GALK2: variants seen among roughly 807,000 people sequenced by gnomAD.
GALK2 encodes the protein galactokinase 2, also known as N-acetylgalactosamine kinase.
In GALK2, 36 loss-of-function variants were observed where a neutral mutation model predicts 52.4. The ratio of observed to expected loss-of-function variants is 0.69; its 90% CI spans 0.53 to 0.91. GALK2 has a LOEUF of 0.91. GALK2 is among the 40% of genes least tolerant of loss of function. The probability of loss-of-function intolerance (pLI) is 0.00; values close to 1 mark genes in which losing one functional copy is unlikely to be tolerated. For missense variants in GALK2, 579 were observed against 559.1 expected, an observed-to-expected ratio of 1.04 and a Z score of -0.36; for synonymous variants, 176 against 199.1, an observed-to-expected ratio of 0.88 and a Z score of 0.98.
downstream of GALK2, among the ~76,000 whole-genome samples, chr15:49,333,219 T>G (rs956923743): frequency 3.9e-5 from 6 of 152,186 alleles, no homozygotes; most frequent in Non-Finnish European, 7.3e-5. Context: ...TTCAGTGGTT[T>G]TAGTACATTC....
intron 5 of GALK2, among the ~76,000 whole-genome samples, chr15:49,256,629 A>G (rs544839450): frequency 1.3e-5 from 2 of 152,298 alleles, no homozygotes; most frequent in Admixed American, 1.3e-4. Flanking sequence ...CATCCGTGTC[A>G]ATTTGCAAGC....
chr15:49,292,290 A>G (rs2034015283), intron 7 of GALK2, 37 bp from the exon 8 acceptor site: 1 of 1,576,718 alleles, frequency 6.3e-7, no homozygotes, highest in Non-Finnish European at 8.7e-7. Context: ...TCAAATTCTG[A>G]ATCAAAACTG....
chr15:49,258,718 T>C (rs1208726626), intron 5 of GALK2, among the ~76,000 whole-genome samples: 3 of 151,654 alleles, frequency 2.0e-5, no homozygotes, highest in African/African-American at 7.3e-5. Flanking sequence ...GAGAAGGGTT[T>C]AGAATTCTGG....
chr15:49,365,458 C>T, intron 3 of GALK2: 2 of 898,166 alleles, frequency 2.2e-6, no homozygotes, highest in Middle Eastern at 2.5e-4. Flanking sequence ...GTCTCCAAAG[C>T]CCAATATTGA....
At chr15:49,366,398 T>C (rs2151444393) in intron 3 of GALK2, 1 of 809,006 alleles carries the variant, frequency 1.2e-6, no homozygotes, top group South Asian at 1.4e-5. Flanking sequence ...TTCAAGAAAA[T>C]GGCAGCTGCC....
chr15:49,268,811 T>C (rs1227999685), intron 5 of GALK2, among the ~76,000 whole-genome samples: 1 of 152,222 alleles, frequency 6.6e-6, no homozygotes, highest in Non-Finnish European at 1.5e-5. Flanking sequence ...CCTTACCAAT[T>C]GGGTACATCT....
At chr15:49,265,231 C>T (rs1306770751) in intron 5 of GALK2, among the ~76,000 whole-genome samples, 1 of 152,216 alleles carries the variant, frequency 6.6e-6, no homozygotes, top group Non-Finnish European at 1.5e-5. Context: ...CCACCCAGTT[C>T]TAGGTTCCTG....
intron 5 of GALK2, among the ~76,000 whole-genome samples, chr15:49,257,780 C>T (rs192037566): frequency 4.9e-4 from 74 of 151,972 alleles, no homozygotes; most frequent in African/African-American, 1.8e-3. Flanking sequence ...ATGGGTGAAA[C>T]TATATTTCTT....
chr15:49,265,740 T>G (rs1316903544), intron 5 of GALK2, among the ~76,000 whole-genome samples: 2 of 152,238 alleles, frequency 1.3e-5, no homozygotes, highest in African/African-American at 4.8e-5. Flanking sequence ...TTCCATGTTT[T>G]TTTAACTGAA....
intron 2 of GALK2, among the ~76,000 whole-genome samples, chr15:49,203,073 CAG>C (rs1764379198): frequency 6.6e-6 from 1 of 151,766 alleles, no homozygotes; most frequent in Admixed American, 6.6e-5. Context: ...TATTTTGAGA[CAG>C]AGTCTCTCTC....
rs544216582 is a variant in GALK2, at chr15:49,189,069, T to C, written c.54-12093T>C. Among the ~76,000 whole-genome samples the C allele has an allele frequency of 3.9e-5, 6 of 152,340 alleles. No homozygotes were observed. In the East Asian group the frequency reaches 1.2e-3, roughly 29 times the overall value. On this transcript the variant is annotated intron_variant, in intron 1 of 9. Coordinates refer to ENST00000560031, the MANE Select transcript of GALK2 (RefSeq NM_002044.4). ...CCTGTTTAGGAATTTGGCTACCATG[T>C]ATCCCCTGCTTTTTTATAGATCAGA... is the stretch of plus-strand genomic sequence containing the variant.
rs1209645786 is a variant in GALK2, at chr15:49,205,647, A to G, written c.142+4397A>G. Reference sequence around the variant, plus strand: ...TGGACATTAGTCCTTTGTCAGATGTATAGACTGTGAAGATTTTCTCCAACT... The same window carrying G: ...TGGACATTAGTCCTTTGTCAGATGTGTAGACTGTGAAGATTTTCTCCAACT... On this transcript the variant is annotated intron_variant, in intron 2 of 9. Transcript: ENST00000560031. 2.6e-5 allele frequency among the ~76,000 whole-genome samples: 4 copies of G among 152,076 alleles called. No homozygotes were observed. The East Asian group carries it at 5.8e-4, about 22-fold the overall frequency.
chr15:49,321,149 T>TA, intron 9 of GALK2, among the ~76,000 whole-genome samples: 1 of 152,342 alleles, frequency 6.6e-6, no homozygotes, highest in South Asian at 2.1e-4. Context: ...TTTGGGTGGG[T>TA]ACTCTTTCTG....
At chr15:49,322,813 C>T (rs889548126) in intron 9 of GALK2, among the ~76,000 whole-genome samples, 9 of 151,774 alleles carry the variant, frequency 5.9e-5, no homozygotes, top group Non-Finnish European at 5.9e-5. Flanking sequence ...AAAAATTAGC[C>T]GAGCGTGGCG....
At chr15:49,242,989 G>A (rs1350661480) in intron 5 of GALK2, among the ~76,000 whole-genome samples, 1 of 152,198 alleles carries the variant, frequency 6.6e-6, no homozygotes, top group Non-Finnish European at 1.5e-5. Context: ...ATGGAAAGTG[G>A]ATAGAGGAAT....
intron 1 of GALK2, among the ~76,000 whole-genome samples, chr15:49,161,302 A>G (rs569734514): frequency 6.6e-6 from 1 of 152,326 alleles, no homozygotes; most frequent in African/African-American, 2.4e-5. Context: ...AGCAGTTGAA[A>G]AGGTCTTCAC....
intron 9 of GALK2, among the ~76,000 whole-genome samples, chr15:49,326,113 A>C (rs573037036): frequency 4.5e-4 from 69 of 152,304 alleles, no homozygotes; most frequent in African/African-American, 1.5e-3. Context: ...TCAAGTAAGA[A>C]GGCACAGTAT....
At chr15:49,229,933 C>T (rs939540851) in intron 3 of GALK2, among the ~76,000 whole-genome samples, 3 of 152,096 alleles carry the variant, frequency 2.0e-5, no homozygotes, top group African/African-American at 7.2e-5. Flanking sequence ...ATGGTTTGGC[C>T]TCAGCAGTGC....
At chr15:49,216,545 A>G (rs1009059420) in intron 2 of GALK2, among the ~76,000 whole-genome samples, 1 of 152,192 alleles carries the variant, frequency 6.6e-6, no homozygotes, top group Non-Finnish European at 1.5e-5. Context: ...TCACAAGTCT[A>G]CTGCCTCCAA....
Sources: gnomAD v4.1 joint callset for allele counts (sites outside exome capture counted in the v4.1 genomes callset) on GRCh38, gnomAD v4.1.1 for gene constraint, MANE v1.5 for transcripts, NCBI Gene and HGNC (gene_info 2026-07-23, HGNC 2026-07-21) for gene names.